SSBP2: variants seen among roughly 807,000 people sequenced by gnomAD.
SSBP2 encodes single-stranded DNA-binding protein 2.
A neutral mutation model predicts 61.8 loss-of-function variants in SSBP2; 17 were observed. That is an observed-to-expected ratio of 0.28 (90% CI 0.19 to 0.41). SSBP2 has a LOEUF of 0.41. Ranked by LOEUF, SSBP2 falls within the 10% of genes least tolerant of loss-of-function variation. The pLI is 1.00. For synonymous variants in SSBP2, 139 were observed against 141.3 expected (o/e 0.98, Z 0.12); for missense variants, 310 against 458.7 (o/e 0.68, Z 2.96).
At position 81,508,421 on chromosome 5, in the gene SSBP2, T is replaced by C. The variant is rs550316559; in HGVS notation, c.372+5207A>G. 4.6e-5 allele frequency among the ~76,000 whole-genome samples: 7 copies of C among 152,292 alleles called. No homozygotes were observed. In the East Asian group the frequency reaches 1.4e-3, roughly 29 times the overall value. ...TCATACTTTAAATGGCTTTATTTTA[T>C]TAAATTTATACCTCCTTTTGCATGT... On this transcript the variant is annotated intron_variant, in intron 5 of 16. Coordinates refer to ENST00000320672, the MANE Select transcript of SSBP2 (RefSeq NM_012446.5).
chr5:81,671,085 T>C (rs962988813), intron 1 of SSBP2, among the ~76,000 whole-genome samples: 11 of 152,074 alleles, frequency 7.2e-5, no homozygotes, highest in African/African-American at 1.7e-4. Context: ...AATACACCTA[T>C]AGACACAGGG....
At chr5:81,537,083 T>A (rs943680733) in intron 4 of SSBP2, among the ~76,000 whole-genome samples, 3 of 152,140 alleles carry the variant, frequency 2.0e-5, no homozygotes. Context: ...TTTGAAACAT[T>A]TAAAAATTTC....
intron 5 of SSBP2, among the ~76,000 whole-genome samples, chr5:81,510,588 C>G (rs1009471131): frequency 3.9e-5 from 6 of 152,052 alleles, no homozygotes; most frequent in Non-Finnish European, 5.9e-5. Flanking sequence ...GGGGGAAACC[C>G]TGTCTCTACT....
chr5:81,565,695 A>G (rs1164708343), intron 4 of SSBP2, among the ~76,000 whole-genome samples: 1 of 152,170 alleles, frequency 6.6e-6, no homozygotes, highest in African/African-American at 2.4e-5. Context: ...CGTATCTTTT[A>G]TTTTTGGAGT....
intron 15 of SSBP2, among the ~76,000 whole-genome samples, chr5:81,432,951 G>A (rs1392371050): frequency 2.1e-5 from 3 of 142,056 alleles, no homozygotes; most frequent in African/African-American, 5.4e-5. Flanking sequence ...TCAGCCCCCC[G>A]CCCAGCCAGC....
At chr5:81,641,855 C>A (rs1041188799) in intron 2 of SSBP2, among the ~76,000 whole-genome samples, 6 of 151,838 alleles carry the variant, frequency 4.0e-5, no homozygotes, top group Non-Finnish European at 5.9e-5. Flanking sequence ...GAATCATGCT[C>A]TACTGGTTTT....
At chr5:81,683,596 A>G (rs1047055157) in intron 1 of SSBP2, among the ~76,000 whole-genome samples, 1 of 152,218 alleles carries the variant, frequency 6.6e-6, no homozygotes, top group Non-Finnish European at 1.5e-5. Context: ...GATTCAACAC[A>G]AAACATTTTG....
intron 2 of SSBP2, among the ~76,000 whole-genome samples, chr5:81,637,319 G>A (rs1748331647): frequency 1.3e-5 from 2 of 152,124 alleles, no homozygotes; most frequent in Non-Finnish European, 1.5e-5. Context: ...TCTTCCTTTT[G>A]GTGCCTCAGC....
intron 1 of SSBP2, among the ~76,000 whole-genome samples, chr5:81,749,825 C>T (rs989053272): frequency 6.6e-6 from 1 of 152,224 alleles, no homozygotes; most frequent in Non-Finnish European, 1.5e-5. Context: ...GGGAGGGGCT[C>T]TGTTCTCGCC....
At chr5:81,747,030 G>GGC (rs1554123678) in intron 1 of SSBP2, among the ~76,000 whole-genome samples, 1 of 138,396 alleles carries the variant, frequency 7.2e-6, no homozygotes, top group Non-Finnish European at 1.6e-5. Context: ...CCTGGGGGGG[G>GGC]GGGGAATCTG....
intron 5 of SSBP2, among the ~76,000 whole-genome samples, chr5:81,502,408 T>C: frequency 6.6e-6 from 1 of 152,196 alleles, no homozygotes; most frequent in East Asian, 1.9e-4. Context: ...TGTTAGAGTG[T>C]CCTGGGATCC....
At chr5:81,557,460 G>A (rs6874274) in intron 4 of SSBP2, among the ~76,000 whole-genome samples, 43,227 of 151,754 alleles carry the variant, frequency 0.28, 6,747 homozygotes, top group African/African-American at 0.43. Flanking sequence ...CTCTCCTTTG[G>A]GTGATTCTAA....
In SSBP2 at chr5:81,644,531, G is replaced by A. The variant is rs553244013; in HGVS notation, c.135+5736C>T. Among the ~76,000 whole-genome samples, 4 of 152,338 alleles carry A rather than the reference G, an allele frequency of 2.6e-5. No homozygotes were observed. The East Asian group carries it at 7.7e-4, about 29-fold the overall frequency. ...AGTGAAAAATTCCCTGTAGCAAGGA[G>A]ACCACAGAATTTAAGGTAGCTTATG... is the stretch of plus-strand genomic sequence containing the variant. On this transcript the variant is annotated intron_variant, in intron 2 of 16. Transcript: ENST00000320672.
intron 3 of SSBP2, among the ~76,000 whole-genome samples, chr5:81,629,096 C>G (rs939125949): frequency 3.3e-5 from 5 of 152,142 alleles, no homozygotes; most frequent in Non-Finnish European, 7.3e-5. Flanking sequence ...AAGCGATTCA[C>G]CCACCTCAGC....
chr5:81,430,712 T>C (rs1045449176), intron 15 of SSBP2, among the ~76,000 whole-genome samples: 2 of 103,188 alleles, frequency 1.9e-5, no homozygotes, highest in Non-Finnish European at 3.7e-5. Context: ...GGCTCAGCAT[T>C]ATACTCTTCT....
At position 81,553,750 on chromosome 5, in the gene SSBP2, C is replaced by T. The variant is rs555737139; in HGVS notation, c.283-40033G>A. 2.2e-4 allele frequency among the ~76,000 whole-genome samples: 33 copies of T among 152,190 alleles called. No homozygotes were observed. In the South Asian group the frequency reaches 6.8e-3, roughly 32 times the overall value. On this transcript the variant is annotated intron_variant, in intron 4 of 16. Transcript: ENST00000320672. ...ACAGGATGTTGTTGTTTCAGCAGAA[C>T]AATTTACAATGTATTTACTTTTTAT...
At chr5:81,443,842 G>A (rs1274921174) in intron 12 of SSBP2, among the ~76,000 whole-genome samples, 3 of 152,212 alleles carry the variant, frequency 2.0e-5, no homozygotes, top group Admixed American at 6.5e-5. Flanking sequence ...GATTACAGGC[G>A]TGAGCCACCG....
chr5:81,725,385 GA>G (rs557040718), intron 1 of SSBP2, among the ~76,000 whole-genome samples: 11 of 152,250 alleles, frequency 7.2e-5, no homozygotes, highest in Non-Finnish European at 1.5e-4. Context: ...GGAAATGGAG[GA>G]AAAGAGAACT....
intron 9 of SSBP2, among the ~76,000 whole-genome samples, chr5:81,465,835 G>T (rs1458459791): frequency 6.6e-6 from 1 of 151,954 alleles, no homozygotes; most frequent in Non-Finnish European, 1.5e-5. Flanking sequence ...GATTTCATGT[G>T]TATCCATTTT....
Sources: allele counts gnomAD v4.1 joint callset (sites outside exome capture counted in the v4.1 genomes callset), GRCh38; gene constraint gnomAD v4.1.1; transcripts MANE v1.5; gene names NCBI Gene and HGNC (gene_info 2026-07-23, HGNC 2026-07-21).